ITPR1: variants seen among roughly 807,000 people sequenced by gnomAD.
ITPR1 encodes the protein inositol 1,4,5-trisphosphate-gated calcium channel ITPR1.
ITPR1 carries 96 observed loss-of-function variants against 318.4 expected under a neutral mutation model. The observed-to-expected ratio is 0.30, with a 90% CI of 0.26 to 0.36. ITPR1 has a LOEUF of 0.36. ITPR1 is among the 10% of genes least tolerant of loss of function. The pLI, the probability that ITPR1 is intolerant of heterozygous loss-of-function variation, is 1.00. For missense variants in ITPR1, 2,440 were observed against 3,460.2 expected (o/e 0.71, Z 7.40); for synonymous variants, 1,312 against 1,289.9 (o/e 1.02, Z -0.37).
chr3:4,807,976 C>A (rs1266951597), intron 55 of ITPR1, among the ~76,000 whole-genome samples: 1 of 152,224 alleles, frequency 6.6e-6, no homozygotes, highest in African/African-American at 2.4e-5. Context: ...CCACCTTGCC[C>A]CAGTAGACAC....
At chr3:4,680,821 C>T (rs1451676354) in intron 25 of ITPR1, 130 bp downstream of exon 25, 2 of 758,724 alleles carry the variant, frequency 2.6e-6, no homozygotes, top group Non-Finnish European at 4.2e-6. Flanking sequence ...GGGCATCATC[C>T]TGGCAGTTAC....
chr3:4,726,196 A>G (rs755088040), intron 41 of ITPR1, among the ~76,000 whole-genome samples: 1 of 151,998 alleles, frequency 6.6e-6, no homozygotes, highest in Non-Finnish European at 1.5e-5. Context: ...CGCTCAGCGA[A>G]TTTTTGTATT....
chr3:4,565,562 A>G (rs1559457460), intron 4 of ITPR1, among the ~76,000 whole-genome samples: 1 of 152,220 alleles, frequency 6.6e-6, no homozygotes, highest in African/African-American at 2.4e-5. Flanking sequence ...CAAGAAATAA[A>G]CAGTCTTTCT....
intron 4 of ITPR1, among the ~76,000 whole-genome samples, chr3:4,547,093 T>C (rs1256680942): frequency 1.3e-5 from 2 of 152,192 alleles, no homozygotes; most frequent in African/African-American, 2.4e-5. Flanking sequence ...TTTTATTGAG[T>C]GTCTACTCCA....
chr3:4,533,982 GCT>G (rs925968966), intron 4 of ITPR1, among the ~76,000 whole-genome samples: 2 of 152,202 alleles, frequency 1.3e-5, no homozygotes, highest in Non-Finnish European at 2.9e-5. Flanking sequence ...TTTCCCAAAA[GCT>G]GCCCTTCCCT....
intron 60 of ITPR1, among the ~76,000 whole-genome samples, chr3:4,825,148 T>G (rs2049990307): frequency 6.6e-6 from 1 of 152,204 alleles, no homozygotes; most frequent in Non-Finnish European, 1.5e-5. Context: ...TTTCTCACAG[T>G]GGGGGTAGAC....
chr3:4,631,346 C>T (rs1307038930), intron 5 of ITPR1, among the ~76,000 whole-genome samples: 1 of 152,168 alleles, frequency 6.6e-6, no homozygotes, highest in Non-Finnish European at 1.5e-5. Flanking sequence ...TATGGTTAAT[C>T]TGCGCATAAT....
chr3:4,618,863 A>G (rs963958466), intron 4 of ITPR1, among the ~76,000 whole-genome samples: 9 of 152,250 alleles, frequency 5.9e-5, no homozygotes, highest in Non-Finnish European at 1.3e-4. Flanking sequence ...TGTCTCGACT[A>G]TAGAACAAGG....
At chr3:4,733,044 G>A (rs778851730) in intron 42 of ITPR1, 44 bp from the exon 43 acceptor site, 55 of 1,589,112 alleles carry the variant, frequency 3.5e-5, no homozygotes, top group East Asian at 2.3e-5. Flanking sequence ...CCTCGGTGAT[G>A]CATTAAATGC....
chr3:4,831,889 A>C (rs1182759507), intron 60 of ITPR1, among the ~76,000 whole-genome samples: 4 of 152,176 alleles, frequency 2.6e-5, no homozygotes, highest in Non-Finnish European at 5.9e-5. Context: ...TAGTCTAAAC[A>C]TTTGCACTTT....
intron 60 of ITPR1, among the ~76,000 whole-genome samples, chr3:4,827,578 A>T (rs904725006): frequency 6.6e-6 from 1 of 152,184 alleles, no homozygotes; most frequent in African/African-American, 2.4e-5. Flanking sequence ...CTGAGTTTCC[A>T]CCTTTTACAA....
At chr3:4,693,965 G>A (rs566854939) in intron 33 of ITPR1, among the ~76,000 whole-genome samples, 1 of 152,334 alleles carries the variant, frequency 6.6e-6, no homozygotes, top group Admixed American at 6.5e-5. Context: ...GTATCTTTAA[G>A]AACAGTGAGG....
intron 4 of ITPR1, among the ~76,000 whole-genome samples, chr3:4,531,575 T>C (rs1049805625): frequency 6.6e-6 from 1 of 152,214 alleles, no homozygotes; most frequent in African/African-American, 2.4e-5. Context: ...GCAGTCTGCA[T>C]GAGTCACCAC....
chr3:4,601,973 GA>G (rs1242440472), intron 4 of ITPR1, among the ~76,000 whole-genome samples: 2 of 152,154 alleles, frequency 1.3e-5, no homozygotes, highest in African/African-American at 4.8e-5. Flanking sequence ...AGTCATTAGG[GA>G]AATGCAAATC....
chr3:4,659,355 G>A (rs936548519), intron 13 of ITPR1, among the ~76,000 whole-genome samples: 3 of 152,108 alleles, frequency 2.0e-5, no homozygotes, highest in African/African-American at 4.8e-5. Context: ...ATCTCCAAGC[G>A]AATGAATATC....
chr3:4,767,286 G>A (rs2045879716), intron 45 of ITPR1, among the ~76,000 whole-genome samples: 1 of 152,180 alleles, frequency 6.6e-6, no homozygotes, highest in East Asian at 1.9e-4. Context: ...TGGCTGTCCT[G>A]TGCACTGTAA....
At chr3:4,547,043 G>T (rs1364160341) in intron 4 of ITPR1, among the ~76,000 whole-genome samples, 1 of 152,104 alleles carries the variant, frequency 6.6e-6, no homozygotes, top group East Asian at 1.9e-4. Context: ...TTCATCTGTG[G>T]CATGAACACG....
chr3:4,827,617 C>T (rs781058591), intron 60 of ITPR1, among the ~76,000 whole-genome samples: 7 of 152,146 alleles, frequency 4.6e-5, no homozygotes, highest in Non-Finnish European at 1.0e-4. Flanking sequence ...CTCAGTTTTA[C>T]CACCTATAAA....
chr3:4,575,670 G>A (rs531338823), intron 4 of ITPR1, among the ~76,000 whole-genome samples: 1 of 151,504 alleles, frequency 6.6e-6, no homozygotes, highest in South Asian at 2.1e-4. Flanking sequence ...GTTTGTGTAA[G>A]AGCAGTGAGA....
Sources: allele counts gnomAD v4.1 joint callset (sites outside exome capture counted in the v4.1 genomes callset), GRCh38; gene constraint gnomAD v4.1.1; transcripts MANE v1.5; gene names NCBI Gene and HGNC (gene_info 2026-07-23, HGNC 2026-07-21).